The following PRR16 variants were observed in gnomAD, a reference collection of about 807,000 sequenced individuals.
PRR16 encodes the protein protein Largen.
Under a neutral mutation model 18.2 loss-of-function variants are expected in PRR16, and 6 were observed. The observed-to-expected ratio is 0.33, with a 90% CI of 0.18 to 0.65. The LOEUF (loss-of-function observed/expected upper bound fraction) is 0.65. Among genes scored for constraint, PRR16 ranks in the 30% least tolerant of loss-of-function variants. PRR16 has a pLI of 0.74. For synonymous variants in PRR16, 151 were observed against 147.8 expected, an observed-to-expected ratio of 1.02 and a Z score of -0.16; for missense variants, 412 against 376.6, an observed-to-expected ratio of 1.09 and a Z score of -0.78.
intron 1 of PRR16, among the ~76,000 whole-genome samples, chr5:120,656,691 A>G (rs975696204): frequency 1.3e-5 from 2 of 151,886 alleles, no homozygotes; most frequent in Non-Finnish European, 2.9e-5. Context: ...TTTTGTGTCT[A>G]TTATAAACAA....
the PRR16 span, among the ~76,000 whole-genome samples, chr5:120,750,425 G>A: frequency 4.9e-4 from 75 of 152,050 alleles, no homozygotes; most frequent in African/African-American, 1.7e-3. Flanking sequence ...TTGGGAGGCC[G>A]AGGCAGGTGG....
intron 1 of PRR16, among the ~76,000 whole-genome samples, chr5:120,636,784 G>A (rs1331942963): frequency 6.6e-6 from 1 of 151,936 alleles, no homozygotes; most frequent in Non-Finnish European, 1.5e-5. Flanking sequence ...AAATAGATGG[G>A]ACTTAATTAA....
chr5:120,758,291 G>A, the PRR16 span, among the ~76,000 whole-genome samples: 2 of 146,412 alleles, frequency 1.4e-5, no homozygotes, highest in African/African-American at 4.9e-5. Flanking sequence ...AGTAATAATA[G>A]CAAATACTTC....
At chr5:120,702,027 A>C in the PRR16 span, among the ~76,000 whole-genome samples, 1 of 152,098 alleles carries the variant, frequency 6.6e-6, no homozygotes, top group Non-Finnish European at 1.5e-5. Flanking sequence ...TTGAGAACAC[A>C]GGCCAAGGGA....
At chr5:120,646,060 A>G (rs1755589207) in intron 1 of PRR16, among the ~76,000 whole-genome samples, 1 of 145,070 alleles carries the variant, frequency 6.9e-6, no homozygotes. Flanking sequence ...ATATATATAT[A>G]TATATATATA....
the PRR16 span, among the ~76,000 whole-genome samples, chr5:120,770,971 CCT>C: frequency 1.3e-5 from 2 of 151,048 alleles, no homozygotes; most frequent in Admixed American, 1.3e-4. Context: ...CACACACACA[CCT>C]TGCATCTTTT....
At chr5:120,606,453 T>TAAATATATTTCTTTGAAATG (rs1754157010) in intron 1 of PRR16, among the ~76,000 whole-genome samples, 2 of 152,236 alleles carry the variant, frequency 1.3e-5, no homozygotes, top group African/African-American at 4.8e-5. Context: ...TATTGACTTT[T>TAAATATATTTCTTTGAAATG]AAATATATTT....
chr5:120,545,667 A>C (rs1304524398), intron 1 of PRR16, among the ~76,000 whole-genome samples: 1 of 152,112 alleles, frequency 6.6e-6, no homozygotes, highest in Admixed American at 6.6e-5. Flanking sequence ...CTAAAACCAT[A>C]TATTTTGCTA....
rs535059260 is a variant in PRR16 at position 120,574,641 on chromosome 5, T to G, written c.159+109996T>G. ...CAACGACGAAAAAAGGATATCCAAATTAACCATAAATATATGAAACAGTAC... is the reference window on the plus strand; with the variant it reads ...CAACGACGAAAAAAGGATATCCAAAGTAACCATAAATATATGAAACAGTAC... On this transcript the variant is annotated intron_variant, in intron 1 of 1. Coordinates refer to ENST00000407149, the MANE Select transcript of PRR16 (RefSeq NM_001300783.2). Among the ~76,000 whole-genome samples the G allele has an allele frequency of 3.1e-4, 44 of 142,270 alleles. 5 individuals are homozygous for G. The highest frequency in any genetic ancestry group is 1.4e-3 in the African/African-American group (44 of 32,282). The allele number at this position is 142,270 out of a possible 152,430, so 93.3% of individuals were successfully genotyped here.
Position 120,686,696 on chromosome 5 carries a change from C to A in PRR16, c.902C>A (p.Thr301Asn), listed in dbSNP as rs1757139650. The A allele has an allele frequency of 5.2e-6, 8 of 1,529,100 alleles. No individual in the cohort carries two copies. The East Asian group carries it at 1.8e-4, about 35-fold the overall frequency. 94.7% of individuals were successfully genotyped at this position (1,529,100 alleles called of 1,614,324 possible). A position where few individuals can be genotyped will look rare whatever the true frequency, so the allele number is the denominator to read the frequency against. ...AAGACGATCTTGAGGAAGTCAACCACTACAACCGTGTGATGTATGCCATTA... is the reference window on the plus strand; with the variant it reads ...AAGACGATCTTGAGGAAGTCAACCAATACAACCGTGTGATGTATGCCATTA... The part of the protein sequence containing the change: ...PQKTILRKST[T>N]TTV The change falls in exon 2 of 2, where the codon ACT becomes AAT. Residue 301 changes from threonine to asparagine, a missense_variant. Physicochemically the swap from Thr to Asn is moderately conservative, Grantham distance 65 (BLOSUM62 0). Transcript: ENST00000407149.
intron 1 of PRR16, among the ~76,000 whole-genome samples, chr5:120,522,002 C>T (rs1006659805): frequency 6.6e-6 from 1 of 152,190 alleles, no homozygotes; most frequent in Non-Finnish European, 1.5e-5. Flanking sequence ...GACATGCACT[C>T]ATCCTTTTTT....
chr5:120,582,495 T>A (rs201361729), intron 1 of PRR16, among the ~76,000 whole-genome samples: 8,404 of 151,658 alleles, frequency 0.055, 299 homozygotes, highest in South Asian at 0.081. Flanking sequence ...TTTAAAAAAA[T>A]AGAATAAGGA....
intron 1 of PRR16, among the ~76,000 whole-genome samples, chr5:120,591,373 A>G (rs1231413477): frequency 1.3e-5 from 2 of 152,100 alleles, no homozygotes; most frequent in African/African-American, 2.4e-5. Flanking sequence ...AAGAGAATAT[A>G]TATGTATATT....
chr5:120,688,813 T>C (rs1256685546), downstream of PRR16, among the ~76,000 whole-genome samples: 3 of 152,184 alleles, frequency 2.0e-5, no homozygotes, highest in Non-Finnish European at 4.4e-5. Context: ...ACAGATAATT[T>C]CCTTGCGATA....
the PRR16 span, among the ~76,000 whole-genome samples, chr5:120,721,056 C>T: frequency 1.3e-5 from 2 of 152,000 alleles, no homozygotes; most frequent in Non-Finnish European, 2.9e-5. Context: ...AACTTTTAAA[C>T]ATCATAATTT....
the PRR16 span, among the ~76,000 whole-genome samples, chr5:120,754,366 ATAT>A: frequency 1.7e-5 from 1 of 58,548 alleles, no homozygotes; most frequent in Non-Finnish European, 2.9e-5. Context: ...GTATATAAAT[ATAT>A]AATATATAAC....
At chr5:120,711,020 A>G in the PRR16 span, among the ~76,000 whole-genome samples, 1 of 151,974 alleles carries the variant, frequency 6.6e-6, no homozygotes, top group Admixed American at 6.6e-5. Context: ...TTTCAAAGCC[A>G]GCAAAAGACT....
intron 1 of PRR16, among the ~76,000 whole-genome samples, chr5:120,466,725 T>TA (rs1434098969): frequency 6.6e-6 from 1 of 152,106 alleles, no homozygotes; most frequent in Non-Finnish European, 1.5e-5. Context: ...ATAAGAGGAA[T>TA]AAAAAGCAGA....
chr5:120,607,018 C>T (rs967015320), intron 1 of PRR16, among the ~76,000 whole-genome samples: 1 of 152,028 alleles, frequency 6.6e-6, no homozygotes, highest in East Asian at 1.9e-4. Context: ...ATGGGCAGTG[C>T]TTTTTGGATC....
Sources: allele counts gnomAD v4.1 joint callset (sites outside exome capture counted in the v4.1 genomes callset), GRCh38; gene constraint gnomAD v4.1.1; transcripts MANE v1.5; gene names NCBI Gene and HGNC (gene_info 2026-07-23, HGNC 2026-07-21).